The following AGMO variants were observed in gnomAD, a reference collection of about 807,000 sequenced individuals.
The protein encoded by AGMO is glyceryl-ether monooxygenase.
A neutral mutation model predicts 60.2 loss-of-function variants in AGMO; 75 were observed. The ratio of observed to expected loss-of-function variants is 1.25; its 90% CI spans 1.03 to 1.51. The LOEUF is 1.51. Ranked by LOEUF, AGMO falls within the 40% of genes most tolerant of loss-of-function variation. The pLI, the probability that AGMO is intolerant of heterozygous loss-of-function variation, is 0.00. For missense variants in AGMO, 763 were observed against 525.5 expected (o/e 1.45, Z -4.42); for synonymous variants, 261 against 177.1 (o/e 1.47, Z -3.76).
At chr7:15,196,921 A>C (rs1781131541), downstream of AGMO, among the ~76,000 whole-genome samples, 1 of 152,228 alleles carries the variant, frequency 6.6e-6, no homozygotes, top group Non-Finnish European at 1.5e-5. Flanking sequence ...ATAAACATCA[A>C]TGCTTAATTT....
intron 12 of AGMO, among the ~76,000 whole-genome samples, chr7:15,212,120 T>C (rs1184764109): frequency 6.6e-6 from 1 of 151,772 alleles, no homozygotes; most frequent in Non-Finnish European, 1.5e-5. Context: ...CCTATTAAAA[T>C]GTTCAGTCCA....
chr7:15,550,491 A>C (rs1784920137), intron 2 of AGMO, among the ~76,000 whole-genome samples: 1 of 152,198 alleles, frequency 6.6e-6, no homozygotes, highest in South Asian at 2.1e-4. Flanking sequence ...GGATATCACC[A>C]CCCATCCCAC....
chr7:15,475,876 A>T (rs190885786), intron 3 of AGMO, among the ~76,000 whole-genome samples: 101 of 152,236 alleles, frequency 6.6e-4, no homozygotes, highest in African/African-American at 2.2e-3. Flanking sequence ...ATAAGCAGTT[A>T]TTTATCCCAC....
intron 3 of AGMO, among the ~76,000 whole-genome samples, chr7:15,480,148 C>T (rs772956450): frequency 9.2e-5 from 14 of 151,968 alleles, no homozygotes; most frequent in Admixed American, 7.9e-4. Context: ...TAGTTACTTC[C>T]GAGATAGGAA....
At chr7:15,153,083 A>G in the AGMO span, among the ~76,000 whole-genome samples, 1 of 152,002 alleles carries the variant, frequency 6.6e-6, no homozygotes, top group Non-Finnish European at 1.5e-5. Context: ...TTCTCTGATA[A>G]TTAGTGATGT....
At chr7:15,302,140 C>A (rs1780463127) in intron 12 of AGMO, among the ~76,000 whole-genome samples, 3 of 151,914 alleles carry the variant, frequency 2.0e-5, no homozygotes, top group Admixed American at 2.0e-4. Context: ...ATTAATTATC[C>A]TTTTGAGTCA....
Position 15,365,553 on chromosome 7 carries a change from G to T in AGMO, c.1224C>A (p.His408Gln), listed in dbSNP as rs190327309. The T allele has an allele frequency of 1.9e-6, 3 of 1,612,836 alleles. No individual in the cohort carries two copies. In the African/African-American group the frequency reaches 4.0e-5, roughly 22 times the overall value. ...ACAATGAAGGGACAAGAGGCTTCAG[G>T]TGACCAAATCGGTACAGCATTAAGA... ...LMFLMLYRFG[H>Q]LKPLVPSLSS... Residue 408 changes from histidine to glutamine, a missense_variant, in exon 12 of 13, where the codon CAC becomes CAA. Coordinates refer to ENST00000342526, the MANE Select transcript of AGMO (RefSeq NM_001004320.2).
chr7:15,420,048 A>AAAAATATGAAAC (rs1214878995), intron 4 of AGMO, among the ~76,000 whole-genome samples: 1 of 152,118 alleles, frequency 6.6e-6, no homozygotes, highest in Non-Finnish European at 1.5e-5. Flanking sequence ...GAGAGCTGAG[A>AAAAATATGAAAC]AAAATATGAA....
At chr7:15,473,435 G>A (rs561439614) in intron 3 of AGMO, among the ~76,000 whole-genome samples, 1 of 151,994 alleles carries the variant, frequency 6.6e-6, no homozygotes, top group East Asian at 1.9e-4. Context: ...ACCTGGCAGA[G>A]ACACAACAAA....
intron 2 of AGMO, among the ~76,000 whole-genome samples, chr7:15,550,749 C>T (rs1403736922): frequency 6.4e-5 from 9 of 140,668 alleles, no homozygotes; most frequent in South Asian, 2.5e-4. Context: ...CAAGGAGGAA[C>T]TGGTACCATT....
chr7:15,246,615 G>A (rs976483748), intron 12 of AGMO, among the ~76,000 whole-genome samples: 2 of 151,996 alleles, frequency 1.3e-5, no homozygotes, highest in Non-Finnish European at 2.9e-5. Flanking sequence ...CCATGGTAAC[G>A]GGGTCTTCAG....
chr7:15,408,363 GA>G lies in AGMO; in HGVS notation c.609+10194del, dbSNP rs531416625. Reference sequence around the variant, plus strand: ...AAAATAATCATCACAATTGTTGTATGAAAATATATAGGAGAGGGCAGAGTGT... The same window carrying G: ...AAAATAATCATCACAATTGTTGTATGAAATATATAGGAGAGGGCAGAGTGT... On this transcript the variant is annotated intron_variant, in intron 5 of 12. Transcript: ENST00000342526. Among the ~76,000 whole-genome samples the G allele has an allele frequency of 1.7e-3, 260 of 151,942 alleles. 2 individuals are homozygous for G. The highest frequency in any genetic ancestry group is 6.0e-3 in the African/African-American group (248 of 41,502).
At chr7:15,507,280 G>A (rs1014994428) in intron 3 of AGMO, among the ~76,000 whole-genome samples, 4 of 151,874 alleles carry the variant, frequency 2.6e-5, no homozygotes, top group African/African-American at 4.8e-5. Flanking sequence ...CATAGGGATG[G>A]GTAGCATGAA....
intron 12 of AGMO, among the ~76,000 whole-genome samples, chr7:15,218,251 G>A (rs890147749): frequency 1.3e-5 from 2 of 151,560 alleles, no homozygotes; most frequent in Non-Finnish European, 2.9e-5. Context: ...CTATATTAAG[G>A]ATATATAGTG....
intron 3 of AGMO, among the ~76,000 whole-genome samples, chr7:15,462,107 A>G (rs1782158464): frequency 6.6e-6 from 1 of 152,204 alleles, no homozygotes; most frequent in South Asian, 2.1e-4. Flanking sequence ...AACATGCATG[A>G]TGCTGTAGGT....
At position 15,217,710 on chromosome 7, in the gene AGMO, G is replaced by C. The variant is rs183410445; in HGVS notation, c.1264-16351C>G. ...TGCAAGATGAAAATAAATACTTGGA[G>C]ATATGGAAGTTAAAATGAAAAATAC... On this transcript the variant is annotated intron_variant, in intron 12 of 12. Transcript: ENST00000342526. 4.6e-5 allele frequency among the ~76,000 whole-genome samples: 7 copies of C among 151,336 alleles called. No individual in the cohort carries two copies. In the Admixed American group the frequency reaches 4.6e-4, roughly 10 times the overall value.
intron 4 of AGMO, among the ~76,000 whole-genome samples, chr7:15,420,002 C>T (rs1421962615): frequency 2.6e-5 from 4 of 152,004 alleles, no homozygotes; most frequent in African/African-American, 9.7e-5. Flanking sequence ...TGATATAAGT[C>T]CTCTAAGTTG....
At chr7:15,292,826 C>T (rs1461949911) in intron 12 of AGMO, among the ~76,000 whole-genome samples, 1 of 133,754 alleles carries the variant, frequency 7.5e-6, no homozygotes. Flanking sequence ...GGCGTGATCT[C>T]GGCTCACTGC....
chr7:15,194,118 T>C, the AGMO span, among the ~76,000 whole-genome samples: 16 of 152,184 alleles, frequency 1.1e-4, no homozygotes, highest in Admixed American at 3.3e-4. Context: ...AAATATAATT[T>C]TATTTTCAGT....
Sources: allele counts gnomAD v4.1 joint callset (sites outside exome capture counted in the v4.1 genomes callset), GRCh38; gene constraint gnomAD v4.1.1; transcripts MANE v1.5; gene names NCBI Gene and HGNC (gene_info 2026-07-23, HGNC 2026-07-21).